RPS6KA5: variants seen among roughly 807,000 people sequenced by gnomAD.
RPS6KA5 encodes the protein ribosomal protein S6 kinase alpha-5.
RPS6KA5 carries 27 observed loss-of-function variants against 85.5 expected under a neutral mutation model. The observed-to-expected ratio is 0.32, with a 90% CI of 0.23 to 0.44. RPS6KA5 has a LOEUF of 0.44. Among genes scored for constraint, RPS6KA5 ranks in the 20% least tolerant of loss-of-function variants. The pLI is 1.00. For missense variants in RPS6KA5, 811 were observed against 980.9 expected (o/e 0.83, Z 2.31); for synonymous variants, 334 against 348.2 (o/e 0.96, Z 0.46).
chr14:90,887,389 T>C (rs1299817823), intron 14 of RPS6KA5, among the ~76,000 whole-genome samples: 1 of 151,932 alleles, frequency 6.6e-6, no homozygotes, highest in East Asian at 1.9e-4. Flanking sequence ...TGGGTCCCAC[T>C]GTGTTGCCCT....
intron 2 of RPS6KA5, among the ~76,000 whole-genome samples, chr14:90,983,801 C>G (rs1342491876): frequency 1.3e-3 from 156 of 121,880 alleles, no homozygotes; most frequent in African/African-American, 4.7e-3. Context: ...CTCTCTCTCT[C>G]TCTCTCTCTC....
intron 7 of RPS6KA5, among the ~76,000 whole-genome samples, chr14:90,919,031 T>G (rs2036266824): frequency 6.6e-6 from 1 of 152,224 alleles, no homozygotes; most frequent in Non-Finnish European, 1.5e-5. Flanking sequence ...ACAGTTCAAT[T>G]TGGCAAGAAA....
chr14:91,015,942 TCTAA>T (rs1448179179), intron 1 of RPS6KA5, among the ~76,000 whole-genome samples: 1 of 152,174 alleles, frequency 6.6e-6, no homozygotes, highest in African/African-American at 2.4e-5. Context: ...CTTACCTCAT[TCTAA>T]CTGTTTAATC....
chr14:90,944,000 G>A (rs1277225456), intron 4 of RPS6KA5, among the ~76,000 whole-genome samples: 4 of 152,158 alleles, frequency 2.6e-5, no homozygotes. Flanking sequence ...TTACAGGTGT[G>A]AGCCACTGCA....
intron 8 of RPS6KA5, 144 bp downstream of exon 8, chr14:90,906,005 A>T (rs1395942204): frequency 1.3e-6 from 1 of 752,042 alleles, no homozygotes; most frequent in African/African-American, 1.7e-5. Flanking sequence ...TTAAAAACAA[A>T]ACAAAACAAA....
chr14:90,993,244 G>C (rs532473937), intron 2 of RPS6KA5, among the ~76,000 whole-genome samples: 1 of 152,142 alleles, frequency 6.6e-6, no homozygotes, highest in African/African-American at 2.4e-5. Flanking sequence ...GTTCGAGATC[G>C]GCCTGGCTAA....
At chr14:90,978,234 T>C in intron 3 of RPS6KA5, 72 bp downstream of exon 3, 1 of 1,150,940 alleles carries the variant, frequency 8.7e-7, no homozygotes, top group Non-Finnish European at 1.2e-6. Context: ...TATCTTGCCC[T>C]TTAAGTACAT....
chr14:90,899,939 A>G (rs1336499486), intron 11 of RPS6KA5, among the ~76,000 whole-genome samples, 169 bp downstream of exon 11: 1 of 152,228 alleles, frequency 6.6e-6, no homozygotes, highest in Non-Finnish European at 1.5e-5. Flanking sequence ...TTATCAGAAA[A>G]TATCAATTAG....
At chr14:90,955,953 T>A (rs1286100) in intron 3 of RPS6KA5, among the ~76,000 whole-genome samples, 111,198 of 152,096 alleles carry the variant, frequency 0.73, 40,819 homozygotes, top group East Asian at 0.97. Flanking sequence ...CTGCATCCAC[T>A]GATTCAACCA....
chr14:91,040,459 G>C (rs1037774825), intron 1 of RPS6KA5, among the ~76,000 whole-genome samples: 3 of 152,014 alleles, frequency 2.0e-5, no homozygotes, highest in African/African-American at 7.2e-5. Context: ...TGGAAAGCTG[G>C]AAGAAAAAGT....
At chr14:90,874,507 G>GACC (rs1389140516) in intron 15 of RPS6KA5, among the ~76,000 whole-genome samples, 1 of 152,154 alleles carries the variant, frequency 6.6e-6, no homozygotes, top group East Asian at 1.9e-4. Flanking sequence ...AGGCAGACAG[G>GACC]ACCAGGTCAT....
chr14:90,941,364 G>C (rs149819323), intron 5 of RPS6KA5, among the ~76,000 whole-genome samples: 19 of 152,068 alleles, frequency 1.2e-4, no homozygotes, highest in Admixed American at 2.0e-4. Flanking sequence ...TTTTGTTCTT[G>C]GCTTCTCAGA....
At chr14:91,050,206 T>C (rs35639067) in intron 1 of RPS6KA5, among the ~76,000 whole-genome samples, 16,979 of 151,890 alleles carry the variant, frequency 0.11, 1,254 homozygotes, top group East Asian at 0.32. Flanking sequence ...AGCAAGACCC[T>C]ATCTCTACAA....
chr14:90,963,585 C>T (rs938110426), intron 3 of RPS6KA5, among the ~76,000 whole-genome samples: 10 of 152,170 alleles, frequency 6.6e-5, no homozygotes, highest in African/African-American at 2.4e-4. Flanking sequence ...TACTTTCTAG[C>T]ATAACAAGAT....
At chr14:90,915,226 T>C (rs552834288) in intron 7 of RPS6KA5, among the ~76,000 whole-genome samples, 2 of 152,328 alleles carry the variant, frequency 1.3e-5, no homozygotes, top group African/African-American at 2.4e-5. Context: ...GGGCTCATGG[T>C]AGGCAGACTT....
chr14:90,874,109 A>T (rs987359431), intron 15 of RPS6KA5, among the ~76,000 whole-genome samples: 1 of 152,192 alleles, frequency 6.6e-6, no homozygotes. Flanking sequence ...AAGCACACAG[A>T]TCTACTTCAT....
chr14:90,944,511 T>C (rs1014357892), intron 4 of RPS6KA5, among the ~76,000 whole-genome samples: 4 of 151,772 alleles, frequency 2.6e-5, no homozygotes, highest in Non-Finnish European at 5.9e-5. Flanking sequence ...ATCCCAACAT[T>C]TTGGGAGGCC....
At chr14:90,957,347 G>A (rs2140407027) in intron 3 of RPS6KA5, among the ~76,000 whole-genome samples, 1 of 152,310 alleles carries the variant, frequency 6.6e-6, no homozygotes, top group South Asian at 2.1e-4. Flanking sequence ...TTACCGTCAT[G>A]AGCCACTGCA....
At chr14:90,901,704 T>C (rs1298537941) in intron 9 of RPS6KA5, among the ~76,000 whole-genome samples, 3 of 152,226 alleles carry the variant, frequency 2.0e-5, no homozygotes, top group Non-Finnish European at 4.4e-5. Flanking sequence ...GATTAAGCCA[T>C]ACTAAAGGTA....
Sources: allele counts gnomAD v4.1 joint callset (sites outside exome capture counted in the v4.1 genomes callset), GRCh38; gene constraint gnomAD v4.1.1; transcripts MANE v1.5; gene names NCBI Gene and HGNC (gene_info 2026-07-23, HGNC 2026-07-21).